LMTK2: variants seen among roughly 807,000 people sequenced by gnomAD.
LMTK2 encodes the protein serine/threonine-protein kinase LMTK2.
Under a neutral mutation model 127.5 loss-of-function variants are expected in LMTK2, and 37 were observed. That is an observed-to-expected ratio of 0.29 (90% confidence interval 0.22 to 0.38). The LOEUF (loss-of-function observed/expected upper bound fraction) is 0.38, where lower values mean the gene tolerates loss of function less well. LMTK2 is among the 10% of genes least tolerant of loss of function. LMTK2 has a pLI of 1.00. For missense variants in LMTK2, 1,694 were observed against 1,920.3 expected, an observed-to-expected ratio of 0.88 and a Z score of 2.20; for synonymous variants, 819 against 810.1, an observed-to-expected ratio of 1.01 and a Z score of -0.19.
chr7:98,191,119 TA>T (rs764883061), intron 10 of LMTK2, among the ~76,000 whole-genome samples: 24 of 151,720 alleles, frequency 1.6e-4, no homozygotes, highest in East Asian at 5.8e-4. Context: ...TATTTTTATT[TA>T]AAAAAAAATG....
chr7:98,188,693 C>G (rs1348962143), intron 9 of LMTK2, among the ~76,000 whole-genome samples: 2 of 152,160 alleles, frequency 1.3e-5, no homozygotes, highest in Non-Finnish European at 2.9e-5. Context: ...TGCTTCCCTC[C>G]TATGTGACTT....
At position 98,171,791 on chromosome 7, in the gene LMTK2, T is replaced by C. The variant is rs555083436; in HGVS notation, c.791+117T>C. 8.4e-7 allele frequency: 1 copy of C among 1,185,816 alleles called. No homozygotes were observed. Among genetic ancestry groups the C allele is most frequent in the South Asian group, 1.6e-5 (1 of 61,472 alleles). 73.5% of individuals were successfully genotyped at this position (1,185,816 alleles called of 1,614,324 possible). A position where few individuals can be genotyped will look rare whatever the true frequency, so the allele number is the denominator to read the frequency against. On this transcript the variant is annotated intron_variant, in intron 7 of 13. Transcript: ENST00000297293. This position sits in a 1 kb window ranked among gnomAD's most constrained non-coding sequence, Gnocchi z 5.1. The stretch of plus-strand genomic sequence containing the variant: ...GAGGTGGCAGAATGAACCCAGCTCA[T>C]GTAGGTAGAAGCGATCTCGTTCTTA...
In LMTK2 at chr7:98,204,040, C is replaced by G. The variant is rs1584303338; in HGVS notation, c.4337C>G (p.Ser1446Cys). ...LLSSKPSLQT[S>C]KYFSPPPPAR... is the part of the protein sequence containing the mutation. Reference sequence around the variant, plus strand: ...AGCTCCAAGCCTTCTCTCCAAACATCCAAGTACTTTTCTCCGCCGCCACCG... The same window carrying G: ...AGCTCCAAGCCTTCTCTCCAAACATGCAAGTACTTTTCTCCGCCGCCACCG... The change falls in exon 13 of 14, where the codon TCC becomes TGC. Residue 1446 changes from serine to cysteine, a missense_variant. Ser to Cys is a moderately radical substitution (Grantham distance 112). Around this residue, in one of 8 missense-constraint regions of LMTK2, gnomAD observed 554 missense variants for 567.7 expected, o/e 0.98. Coordinates refer to ENST00000297293, the MANE Select transcript of LMTK2 (RefSeq NM_014916.4). 1 of 1,614,220 alleles carries G rather than the reference C, an allele frequency of 6.2e-7. No individual in the cohort carries two copies. The highest frequency in any genetic ancestry group is 1.1e-5 in the South Asian group (1 of 91,088).
chr7:98,117,055 T>C (rs1422050054), intron 1 of LMTK2, among the ~76,000 whole-genome samples: 2 of 152,254 alleles, frequency 1.3e-5, no homozygotes, highest in African/African-American at 2.4e-5. Context: ...ACTTGTCACT[T>C]GATCACCTGG....
Position 98,193,987 on chromosome 7 carries a change from G to T in LMTK2, c.3522G>T (p.Leu1174=). The change falls in exon 11 of 14, where the codon CTG becomes CTT. Residue 1174 remains leucine, a synonymous_variant. Coordinates refer to ENST00000297293, the MANE Select transcript of LMTK2 (RefSeq NM_014916.4). This position sits in a 1 kb window ranked among gnomAD's most constrained non-coding sequence, Gnocchi z 4.1. The part of the protein sequence containing the change: ...CLSALHNSSD[L]ELRATPEPAQ... Reference sequence around the variant, plus strand: ...CTGCTTTGCACAACTCCAGTGACCTGGAATTAAGAGCCACGCCGGAGCCAG... The same window carrying T: ...CTGCTTTGCACAACTCCAGTGACCTTGAATTAAGAGCCACGCCGGAGCCAG... 6.2e-7 allele frequency: 1 copy of T among 1,614,064 alleles called. No homozygotes were observed. Among genetic ancestry groups the T allele is most frequent in the Non-Finnish European group, 8.5e-7 (1 of 1,180,054 alleles).
chr7:98,132,391 C>T (rs1796532817), intron 1 of LMTK2, among the ~76,000 whole-genome samples: 1 of 152,136 alleles, frequency 6.6e-6, no homozygotes, highest in South Asian at 2.1e-4. Flanking sequence ...GCTGGGACCA[C>T]AGGCGCGCGG....
At chr7:98,157,826 A>C (rs1796952152) in intron 5 of LMTK2, among the ~76,000 whole-genome samples, 1 of 152,210 alleles carries the variant, frequency 6.6e-6, no homozygotes. Context: ...CCAGGGGTAC[A>C]CATGGGTGGG....
chr7:98,138,116 A>G (rs187993474), intron 2 of LMTK2, among the ~76,000 whole-genome samples: 4 of 152,318 alleles, frequency 2.6e-5, no homozygotes, highest in African/African-American at 4.8e-5. Context: ...AACTTACTGC[A>G]TGCCTGCTGG....
At position 98,158,715 on chromosome 7, in the gene LMTK2, G is replaced by A. The variant is rs573415211; in HGVS notation, c.570-623G>A. Among the ~76,000 whole-genome samples the A allele has an allele frequency of 8.5e-5, 13 of 152,304 alleles. No individual in the cohort carries two copies. In the South Asian group the frequency reaches 2.7e-3, roughly 32 times the overall value. ...AGACTATTTATATGGGCGGATGTGC[G>A]TAGGTTATGTGTAGATAATGACACC... On this transcript the variant is annotated intron_variant, in intron 5 of 13. Coordinates refer to ENST00000297293, the MANE Select transcript of LMTK2 (RefSeq NM_014916.4).
rs59204405 is a variant in LMTK2, at chr7:98,144,746, C to CTT, written c.376+3219_376+3220dup. Among the ~76,000 whole-genome samples the CTT allele has an allele frequency of 1.8e-3, 260 of 141,988 alleles. 1 individual carries two copies. Among genetic ancestry groups the CTT allele is most frequent in the Middle Eastern group, 0.011 (3 of 270 alleles). 93.1% of individuals were successfully genotyped at this position (141,988 alleles called of 152,430 possible). A position where few individuals can be genotyped will look rare whatever the true frequency, so the allele number is the denominator to read the frequency against. On this transcript the variant is annotated intron_variant, in intron 3 of 13. Transcript: ENST00000297293. ...CCACCCACACACATGCATAGTCCTC[C>CTT]TTTTTTTTTTTTTTTACTCAAAGGT...
chr7:98,128,292 C>T (rs1417483938), intron 1 of LMTK2, among the ~76,000 whole-genome samples: 2 of 152,244 alleles, frequency 1.3e-5, no homozygotes, highest in African/African-American at 2.4e-5. Flanking sequence ...GTCCTGAGGG[C>T]GGGCCGTAGT....
intron 4 of LMTK2, among the ~76,000 whole-genome samples, chr7:98,154,164 A>G (rs1418953374): frequency 6.6e-6 from 1 of 152,124 alleles, no homozygotes; most frequent in Non-Finnish European, 1.5e-5. Context: ...CCTTGTAGCT[A>G]GTTCTCATGT....
Position 98,186,671 on chromosome 7 carries a change from C to T in LMTK2, c.877-206C>T, listed in dbSNP as rs563592602. ...GATGACTTAGCAAGCGTTCATGGCTCGCAGATGAGGTCATGAAGCCCAGGA... is the reference window on the plus strand; with the variant it reads ...GATGACTTAGCAAGCGTTCATGGCTTGCAGATGAGGTCATGAAGCCCAGGA... On this transcript the variant is annotated intron_variant, in intron 8 of 13. Coordinates refer to ENST00000297293, the MANE Select transcript of LMTK2 (RefSeq NM_014916.4). Among the ~76,000 whole-genome samples the T allele has an allele frequency of 1.3e-4, 20 of 152,274 alleles. 1 individual carries two copies. The highest frequency in any genetic ancestry group is 1.2e-3 in the South Asian group (6 of 4,824).
intron 11 of LMTK2, among the ~76,000 whole-genome samples, chr7:98,200,816 T>TTTGTTG (rs138102097): frequency 4.0e-5 from 6 of 151,720 alleles, no homozygotes; most frequent in South Asian, 4.2e-4. Flanking sequence ...TATTATTTAT[T>TTTGTTG]TTGTTGTTGT....
intron 1 of LMTK2, among the ~76,000 whole-genome samples, chr7:98,123,724 C>CACAG (rs138334076): frequency 0.02 from 2,987 of 151,352 alleles, 59 homozygotes; most frequent in African/African-American, 0.052. Flanking sequence ...CACACACACA[C>CACAG]ACAGACATAC....
intron 1 of LMTK2, among the ~76,000 whole-genome samples, chr7:98,125,220 A>G (rs549005145): frequency 6.6e-6 from 1 of 151,654 alleles, no homozygotes; most frequent in African/African-American, 2.4e-5. Flanking sequence ...GGAGAATGGC[A>G]TGAACCTGGG....
At chr7:98,160,305 C>T (rs1408361409) in intron 6 of LMTK2, among the ~76,000 whole-genome samples, 2 of 152,152 alleles carry the variant, frequency 1.3e-5, no homozygotes, top group Admixed American at 6.6e-5. Context: ...CAGTAAGCAT[C>T]GTGATTTTTT....
At position 98,190,724 on chromosome 7, in the gene LMTK2, A is replaced by G. The variant is rs1471801237; in HGVS notation, c.999-4A>G. 3.7e-6 allele frequency: 6 copies of G among 1,613,856 alleles called. No individual in the cohort carries two copies. Among genetic ancestry groups the G allele is most frequent in the Non-Finnish European group, 5.1e-6 (6 of 1,179,942 alleles). On this transcript the variant is annotated splice_polypyrimidine_tract_variant and splice_region_variant and intron_variant, in intron 9 of 13. Transcript: ENST00000297293. ...GAGAAACAGCCATTTTCTTTTTCCA[A>G]CAGGTCTCTGGGTGTGACACTTTGG...
chr7:98,106,926 C>A lies in LMTK2; in HGVS notation c.-252C>A. 1 of 460,058 alleles carries A rather than the reference C, an allele frequency of 2.2e-6. No homozygotes were observed. The highest frequency in any genetic ancestry group is 3.9e-6 in the Non-Finnish European group (1 of 259,736). 28.5% of individuals were successfully genotyped at this position (460,058 alleles called of 1,614,324 possible). On this transcript the variant is annotated 5_prime_UTR_variant, in exon 1 of 14. It adds an upstream start codon to the 5' untranslated region. Coordinates refer to ENST00000297293, the MANE Select transcript of LMTK2 (RefSeq NM_014916.4). ...TTCCCAGGCCCGCCGCTCCGCAGGG[C>A]TGCTGGCGTTGCTGCTGTTGAGAGG...
Sources: allele counts gnomAD v4.1 joint callset (sites outside exome capture counted in the v4.1 genomes callset), GRCh38; gene constraint gnomAD v4.1.1; regional missense constraint gnomAD v4.1.1; non-coding constraint Gnocchi (gnomAD v3.1); transcripts MANE v1.5; gene names NCBI Gene and HGNC (gene_info 2026-07-23, HGNC 2026-07-21).